Variants in ADGRA3 observed in about 807,000 individuals in gnomAD.
ADGRA3 encodes the protein adhesion G protein-coupled receptor A3, also known as G-protein coupled receptor 125.
In ADGRA3, 56 loss-of-function variants were observed where a neutral mutation model predicts 119.8. That is an observed-to-expected ratio of 0.47 (90% CI 0.38 to 0.58). The LOEUF (loss-of-function observed/expected upper bound fraction) is 0.58. Ranked by LOEUF, ADGRA3 falls within the 20% of genes least tolerant of loss-of-function variation. ADGRA3 has a pLI of 0.00. For synonymous variants in ADGRA3, 607 were observed against 623.8 expected (o/e 0.97, Z 0.40); for missense variants, 1,516 against 1,649.0 (o/e 0.92, Z 1.40).
intron 1 of ADGRA3, among the ~76,000 whole-genome samples, chr4:22,499,841 C>T (rs768185525): frequency 2.0e-5 from 3 of 152,142 alleles, no homozygotes; most frequent in Non-Finnish European, 4.4e-5. Context: ...TTGTTAGTTA[C>T]TTGGACATAA....
intron 17 of ADGRA3, among the ~76,000 whole-genome samples, chr4:22,391,329 A>G (rs1277831702): frequency 6.6e-6 from 1 of 151,812 alleles, no homozygotes; most frequent in African/African-American, 2.4e-5. Flanking sequence ...CCCACCTGCC[A>G]TTTCTGCTTT....
chr4:22,469,290 C>T (rs115777071), intron 2 of ADGRA3, among the ~76,000 whole-genome samples: 587 of 152,240 alleles, frequency 3.9e-3, no homozygotes, highest in African/African-American at 0.012. Context: ...TTGTCTGAAT[C>T]GTTTCATTTA....
Position 22,415,755 on chromosome 4 carries a change from A to C in ADGRA3, c.1810-1941T>G, listed in dbSNP as rs117121640. On this transcript the variant is annotated intron_variant, in intron 12 of 18. Transcript: ENST00000334304. Reference sequence around the variant, plus strand: ...CAAATCATTTACATTTTTTAAAAGAAAGTTAAAATAGGGAATAACATCTAT... The same window carrying C: ...CAAATCATTTACATTTTTTAAAAGACAGTTAAAATAGGGAATAACATCTAT... 9.1e-3 allele frequency among the ~76,000 whole-genome samples: 1,389 copies of C among 152,274 alleles called. 44 individuals are homozygous for C. The highest frequency in any genetic ancestry group is 0.056 in the South Asian group (269 of 4,826).
At chr4:22,501,984 GGTTCTTTAAGTAGGCAATAATCTCAAGC>G (rs1347815703) in intron 1 of ADGRA3, among the ~76,000 whole-genome samples, 1 of 151,932 alleles carries the variant, frequency 6.6e-6, no homozygotes, top group East Asian at 1.9e-4. Flanking sequence ...AGTTCACTAA[GGTTCTTTAAGTAGGCAATAATCTCAAGC>G]GATCTCCATT....
intron 3 of ADGRA3, chr4:22,455,852 GC>G: frequency 7.8e-7 from 1 of 1,284,232 alleles, no homozygotes; most frequent in Non-Finnish European, 1.0e-6. Flanking sequence ...AGTGGACTTA[GC>G]CCTATGCAAG....
intron 1 of ADGRA3, among the ~76,000 whole-genome samples, chr4:22,500,707 G>T (rs1719020083): frequency 6.6e-6 from 1 of 152,158 alleles, no homozygotes; most frequent in Non-Finnish European, 1.5e-5. Flanking sequence ...TAAAGTAAGA[G>T]GTGCCCAGAT....
chr4:22,474,620 T>C (rs1234096169), intron 1 of ADGRA3, among the ~76,000 whole-genome samples: 1 of 143,752 alleles, frequency 7.0e-6, no homozygotes, highest in South Asian at 2.3e-4. Context: ...GTTATCTGAA[T>C]TGGGGAGTGG....
intron 14 of ADGRA3, 103 bp from the exon 15 acceptor site, chr4:22,402,902 G>C: frequency 9.2e-7 from 1 of 1,090,556 alleles, no homozygotes; most frequent in Non-Finnish European, 1.3e-6. Flanking sequence ...AAAAACTCTG[G>C]CCCTTATGTC....
chr4:22,423,485 T>C (rs548466843), intron 11 of ADGRA3, among the ~76,000 whole-genome samples: 3 of 152,286 alleles, frequency 2.0e-5, no homozygotes, highest in African/African-American at 7.2e-5. Flanking sequence ...CAAACTATGA[T>C]TGCTAAGGAA....
At chr4:22,459,286 T>C (rs919075835) in intron 3 of ADGRA3, among the ~76,000 whole-genome samples, 3 of 151,886 alleles carry the variant, frequency 2.0e-5, no homozygotes, top group Admixed American at 2.0e-4. Flanking sequence ...CATGGATACA[T>C]AGAGGGAACA....
At chr4:22,505,928 A>G (rs150758026) in intron 1 of ADGRA3, among the ~76,000 whole-genome samples, 25 of 152,336 alleles carry the variant, frequency 1.6e-4, no homozygotes, top group Middle Eastern at 3.4e-3. Flanking sequence ...GTGGCACTGA[A>G]TATTTGCTAA....
chr4:22,477,116 T>C (rs190412106), intron 1 of ADGRA3, among the ~76,000 whole-genome samples: 1 of 152,294 alleles, frequency 6.6e-6, no homozygotes, highest in Admixed American at 6.5e-5. Flanking sequence ...TTTGAGTGTA[T>C]CTTAGAAATA....
At chr4:22,396,668 A>G (rs1714368168) in intron 16 of ADGRA3, among the ~76,000 whole-genome samples, 1 of 152,188 alleles carries the variant, frequency 6.6e-6, no homozygotes, top group African/African-American at 2.4e-5. Context: ...TGAAGCAAAG[A>G]ATGTCTGAGT....
In ADGRA3 at chr4:22,420,946, C is replaced by G. The variant is rs1404680292; in HGVS notation, c.1749G>C (p.Leu583=). The G allele has an allele frequency of 1.9e-6, 3 of 1,613,902 alleles. No individual in the cohort carries two copies. Among genetic ancestry groups the G allele is most frequent in the African/African-American group, 2.7e-5 (2 of 74,872 alleles). ...DYGRRDPEGN[L]DKQLSFKCNV... ...TGCACTTAAAGCTCAGCTGCTTATC[C>G]AGGTTTCCCTCTGGATCCCGCCTCC... Residue 583 remains leucine, a synonymous_variant, in exon 12 of 19, where the codon CTG becomes CTC. Transcript: ENST00000334304.
At position 22,441,108 on chromosome 4, in the gene ADGRA3, T is replaced by C. The variant is rs150505842; in HGVS notation, c.920+1542A>G. On this transcript the variant is annotated intron_variant, in intron 7 of 18. Transcript: ENST00000334304. ...ACTGGGAAGTAACTAGATTTTTTTTTAATGGCTTTTGCCCAAGGGTAGGCC... is the reference window on the plus strand; with the variant it reads ...ACTGGGAAGTAACTAGATTTTTTTTCAATGGCTTTTGCCCAAGGGTAGGCC... Among the ~76,000 whole-genome samples, 794 of 152,270 alleles carry C rather than the reference T, an allele frequency of 5.2e-3. 3 individuals carry two copies. The highest frequency in any genetic ancestry group is 0.018 in the African/African-American group (753 of 41,570).
rs144894009 is a variant in ADGRA3 at position 22,494,254 on chromosome 4, C to T, written c.258-20411G>A. ...ACCTTTGGTAGTCCTCAATGCTACA[C>T]TCCCACCAGCGCCATGACAGTTTAC... On this transcript the variant is annotated intron_variant, in intron 1 of 18. Coordinates refer to ENST00000334304, the MANE Select transcript of ADGRA3 (RefSeq NM_145290.4). Among the ~76,000 whole-genome samples the T allele has an allele frequency of 1.8e-3, 268 of 151,716 alleles. 5 individuals carry two copies. Among genetic ancestry groups the T allele is most frequent in the African/African-American group, 6.4e-3 (262 of 41,214 alleles).
Position 22,388,714 on chromosome 4 carries a change from A to G in ADGRA3, c.2957T>C (p.Leu986Ser), listed in dbSNP as rs1184017057. Residue 986 changes from leucine to serine, a missense_variant, in exon 19 of 19, where the codon TTG (leucine) becomes TCG (serine). By Grantham distance (145) the Leu-to-Ser change is moderately radical. Around this residue, in one of 2 missense-constraint regions of ADGRA3, gnomAD observed 1,088 missense variants for 1,107.1 expected, o/e 0.98. Coordinates refer to ENST00000334304, the MANE Select transcript of ADGRA3 (RefSeq NM_145290.4). ...MSLSLISTSA[L>S]ENEHTFHSQL... ...AGAATGAAAAGTGTGCTCATTTTCC[A>G]AGGCTGATGTAGAAATCAGAGACAA... is the stretch of plus-strand genomic sequence containing the variant. 3.7e-6 allele frequency: 6 copies of G among 1,613,962 alleles called. No individual in the cohort carries two copies. In the Admixed American group the frequency reaches 1.0e-4, roughly 27 times the overall value.
Position 22,436,615 on chromosome 4 carries a change from G to A in ADGRA3, c.1112C>T (p.Thr371Ile), listed in dbSNP as rs778147136. Residue 371 changes from threonine to isoleucine, a missense_variant, in exon 9 of 19, where the codon ACT (threonine) becomes ATT (isoleucine). Coordinates refer to ENST00000334304, the MANE Select transcript of ADGRA3 (RefSeq NM_145290.4). The stretch of plus-strand genomic sequence containing the variant: ...GTTCCGCGTACACTGCAGATATGCA[G>A]TAATGCCTGCCAATGTTCTGGGCCA... ...FRWPRTLAGITAYLQCTRNTH... is the reference protein window; with the variant it reads ...FRWPRTLAGIIAYLQCTRNTH... 5.0e-6 allele frequency: 8 copies of A among 1,614,030 alleles called. No individual in the cohort carries two copies. In the East Asian group the frequency reaches 1.8e-4, roughly 36 times the overall value.
At chr4:22,452,685 C>T (rs533176629) in intron 4 of ADGRA3, among the ~76,000 whole-genome samples, 4 of 152,284 alleles carry the variant, frequency 2.6e-5, no homozygotes, top group African/African-American at 9.6e-5. Context: ...CCTGCCCTAA[C>T]AGAAGCTCTG....
Sources: allele counts gnomAD v4.1 joint callset (sites outside exome capture counted in the v4.1 genomes callset), GRCh38; gene constraint gnomAD v4.1.1; regional missense constraint gnomAD v4.1.1; transcripts MANE v1.5; gene names NCBI Gene and HGNC (gene_info 2026-07-23, HGNC 2026-07-21).